SLC25A27: variants seen among roughly 807,000 people sequenced by gnomAD.
SLC25A27 encodes solute carrier family 25 member 27.
Under a neutral mutation model 49.1 loss-of-function variants are expected in SLC25A27, and 35 were observed. The observed-to-expected ratio is 0.71, with a 90% CI of 0.54 to 0.95. The LOEUF (loss-of-function observed/expected upper bound fraction) is 0.95. Among genes scored for constraint, SLC25A27 ranks in the 40% least tolerant of loss-of-function variants. The probability of loss-of-function intolerance (pLI) is 0.00; values close to 1 mark genes in which losing one functional copy is unlikely to be tolerated. For missense variants in SLC25A27, 339 were observed against 397.1 expected (o/e 0.85, Z 1.24); for synonymous variants, 144 against 136.9 (o/e 1.05, Z -0.36).
chr6:46,653,698 G>A, intron 1 of SLC25A27: 1 of 985,288 alleles, frequency 1.0e-6, no homozygotes, highest in South Asian at 4.7e-5. Flanking sequence ...TCATTATCTT[G>A]TGGGTCCAAG....
rs760496531 is a variant in SLC25A27 at position 46,668,709 on chromosome 6, A to G, written c.620A>G (p.Asp207Gly). The change falls in exon 6 of 9, where the codon GAT (aspartate) becomes GGT (glycine). Residue 207 changes from aspartate to glycine, a missense_variant and splice_region_variant. Coordinates refer to ENST00000371347, the MANE Select transcript of SLC25A27 (RefSeq NM_004277.5). ...ATATTTAAACTTTTTCCATTGCCAGATTTAACCACTTATGATACAGTGAAA... is the reference window on the plus strand; with the variant it reads ...ATATTTAAACTTTTTCCATTGCCAGGTTTAACCACTTATGATACAGTGAAA... ...IQRAALVNMG[D>G]LTTYDTVKHY... 1.9e-6 allele frequency: 3 copies of G among 1,586,288 alleles called. No individual in the cohort carries two copies. The highest frequency in any genetic ancestry group is 2.6e-6 in the Non-Finnish European group (3 of 1,156,238).
chr6:46,654,458 A>G (rs965721650), intron 1 of SLC25A27, among the ~76,000 whole-genome samples: 3 of 152,350 alleles, frequency 2.0e-5, no homozygotes, highest in Non-Finnish European at 4.4e-5. Context: ...ATCTAAAAGC[A>G]GATTGCTGAA....
At position 46,678,052 on chromosome 6, in the gene SLC25A27, A is replaced by ATATATATT. The variant is rs1763866335; in HGVS notation, c.*1605_*1606insTTATATAT. 2 of 67,580 alleles carry ATATATATT rather than the reference A, an allele frequency of 3.0e-5. No individual in the cohort carries two copies. Among genetic ancestry groups the ATATATATT allele is most frequent in the South Asian group, 2.0e-3 (2 of 1,018 alleles). 4.2% of individuals were successfully genotyped at this position (67,580 alleles called of 1,614,324 possible). A position where few individuals can be genotyped will look rare whatever the true frequency, so the allele number is the denominator to read the frequency against. On this transcript the variant is annotated 3_prime_UTR_variant, in exon 9 of 9. Coordinates refer to ENST00000371347, the MANE Select transcript of SLC25A27 (RefSeq NM_004277.5). ...ATATTATATATATATATATATATAT[A>ATATATATT]TATATATATATATGCTTAACTTCCC...
intron 8 of SLC25A27, among the ~76,000 whole-genome samples, chr6:46,673,306 T>A (rs1763626781): frequency 1.3e-5 from 2 of 152,190 alleles, no homozygotes; most frequent in Admixed American, 1.3e-4. Context: ...TATCCCTCTT[T>A]TATAGAGAAG....
intron 3 of SLC25A27, among the ~76,000 whole-genome samples, chr6:46,660,230 C>CTATGTGTGTGTG (rs1763120583): frequency 6.8e-6 from 1 of 147,310 alleles, no homozygotes; most frequent in African/African-American, 2.5e-5. Context: ...ACCTCTGTGT[C>CTATGTGTGTGTG]TGTGTGTGTG....
At chr6:46,667,234 A>G (rs1763354907) in intron 5 of SLC25A27, among the ~76,000 whole-genome samples, 1 of 152,082 alleles carries the variant, frequency 6.6e-6, no homozygotes, top group Admixed American at 6.6e-5. Flanking sequence ...TCCGTTCCAT[A>G]TTCGGTTTGC....
At chr6:46,676,264 T>C in intron 8 of SLC25A27, 119 bp from the exon 9 acceptor site, 2 of 841,508 alleles carry the variant, frequency 2.4e-6, no homozygotes, top group East Asian at 5.3e-5. Flanking sequence ...TACCAAAATA[T>C]TTGTTTTCAG....
intron 8 of SLC25A27, among the ~76,000 whole-genome samples, chr6:46,674,591 T>G (rs1287721663): frequency 6.6e-6 from 1 of 152,166 alleles, no homozygotes; most frequent in Non-Finnish European, 1.5e-5. Flanking sequence ...AGAAACCTAA[T>G]TCATGAGCAT....
Position 46,653,052 on chromosome 6 carries a change from G to T in SLC25A27, c.-141G>T, listed in dbSNP as rs1484412151. 3.9e-6 allele frequency: 3 copies of T among 772,706 alleles called. No homozygotes were observed. In the Admixed American group the frequency reaches 7.3e-5, roughly 19 times the overall value. 47.9% of individuals were successfully genotyped at this position (772,706 alleles called of 1,614,324 possible). ...TGCTAGGAAGGTTGCGGGTCCACCC[G>T]GCCGAGCCGAACGAGGGAAATGGTC... On this transcript the variant is annotated 5_prime_UTR_variant, in exon 1 of 9. Coordinates refer to ENST00000371347, the MANE Select transcript of SLC25A27 (RefSeq NM_004277.5).
intron 1 of SLC25A27, chr6:46,653,921 A>C: frequency 2.2e-6 from 2 of 922,462 alleles, no homozygotes; most frequent in South Asian, 1.0e-4. Flanking sequence ...TATATATTTG[A>C]AAAGACCCAG....
chr6:46,653,833 A>C, intron 1 of SLC25A27: 6 of 985,376 alleles, frequency 6.1e-6, no homozygotes, highest in Non-Finnish European at 7.2e-6. Context: ...AGTCAATAAT[A>C]TATGATTGCT....
At chr6:46,655,817 T>C in intron 1 of SLC25A27, 26 bp from the exon 2 acceptor site, 1 of 1,602,966 alleles carries the variant, frequency 6.2e-7, no homozygotes, top group Non-Finnish European at 8.5e-7. Context: ...GTTGTGGGTT[T>C]TTCCCTGCAT....
rs753660514 is a variant in SLC25A27 at position 46,664,827 on chromosome 6, G to A, written c.560G>A (p.Arg187Gln). 6.5e-5 allele frequency: 105 copies of A among 1,609,266 alleles called. No individual in the cohort carries two copies. Among genetic ancestry groups the A allele is most frequent in the African/African-American group, 2.4e-4 (18 of 74,710 alleles). ...AAAATCTTAGCTGAAGGAGGAATAC[G>A]AGGGCTTTGGGCAGGCTGGGTACCC... ...FAKILAEGGI[R>Q]GLWAGWVPNI... is the part of the protein sequence containing the mutation. Residue 187 changes from arginine to glutamine, a missense_variant, in exon 5 of 9, where the codon CGA becomes CAA. Transcript: ENST00000371347.
At chr6:46,655,539 T>TTG (rs1762948385) in intron 1 of SLC25A27, among the ~76,000 whole-genome samples, 1 of 20,310 alleles carries the variant, frequency 4.9e-5, no homozygotes, top group African/African-American at 2.3e-4. Context: ...ATGTTTGTTT[T>TTG]TTTTTTTTTT....
Position 46,671,175 on chromosome 6 carries a change from G to A in SLC25A27, c.847G>A (p.Gly283Ser). The change falls in exon 8 of 9, where the codon GGT becomes AGT. Residue 283 changes from glycine (G) to serine (S), a missense_variant. By Grantham distance (56) the Gly-to-Ser change is moderately conservative. Coordinates refer to ENST00000371347, the MANE Select transcript of SLC25A27 (RefSeq NM_004277.5). ...STDCLIQAVQGEGFMSLYKGF... is the reference protein window; with the variant it reads ...STDCLIQAVQSEGFMSLYKGF... ...TGACTGCTTGATTCAGGCTGTTCAA[G>A]GTGAAGGATTCATGAGTCTATATAA... 6.2e-7 allele frequency: 1 copy of A among 1,602,542 alleles called. No homozygotes were observed. Among genetic ancestry groups the A allele is most frequent in the Non-Finnish European group, 8.5e-7 (1 of 1,175,396 alleles).
chr6:46,659,218 C>A (rs906397230), intron 3 of SLC25A27, among the ~76,000 whole-genome samples, 172 bp downstream of exon 3: 1 of 152,166 alleles, frequency 6.6e-6, no homozygotes, highest in African/African-American at 2.4e-5. Context: ...TACAGACATA[C>A]ATGTATATAC....
Position 46,653,019 on chromosome 6 carries a change from G to C in SLC25A27, c.-174G>C. ...TGTAAGGGGCAGCTGGACCACTCCA[G>C]CTGGGACTGCTAGGAAGGTTGCGGG... is the stretch of plus-strand genomic sequence containing the variant. On this transcript the variant is annotated 5_prime_UTR_variant, in exon 1 of 9. Transcript: ENST00000371347. 3.1e-6 allele frequency: 2 copies of C among 635,232 alleles called. No individual in the cohort carries two copies. The highest frequency in any genetic ancestry group is 2.7e-5 in the East Asian group (1 of 36,572). 39.3% of individuals were successfully genotyped at this position (635,232 alleles called of 1,614,324 possible).
chr6:46,672,767 A>T (rs1763604665), intron 8 of SLC25A27, among the ~76,000 whole-genome samples: 1 of 152,212 alleles, frequency 6.6e-6, no homozygotes, highest in African/African-American at 2.4e-5. Context: ...TGTCTAGATG[A>T]CAAACTGAAT....
chr6:46,662,654 C>A (rs1582503620), intron 4 of SLC25A27, among the ~76,000 whole-genome samples, 156 bp downstream of exon 4: 1 of 152,146 alleles, frequency 6.6e-6, no homozygotes, highest in African/African-American at 2.4e-5. Context: ...TAAGCTGGAT[C>A]TTTTCTTTGC....
Sources: allele counts gnomAD v4.1 joint callset (sites outside exome capture counted in the v4.1 genomes callset), GRCh38; gene constraint gnomAD v4.1.1; transcripts MANE v1.5; gene names NCBI Gene and HGNC (gene_info 2026-07-23, HGNC 2026-07-21).